CDK14: variants seen among roughly 807,000 people sequenced by gnomAD.
CDK14 encodes the protein cyclin-dependent kinase 14.
A neutral mutation model predicts 60.7 loss-of-function variants in CDK14; 34 were observed. The ratio of observed to expected loss-of-function variants is 0.56; its 90% CI spans 0.43 to 0.75. The LOEUF is 0.75. CDK14 is among the 30% of genes least tolerant of loss of function. The probability of loss-of-function intolerance (pLI) is 0.00; values close to 1 mark genes in which losing one functional copy is unlikely to be tolerated. For missense variants in CDK14, 482 were observed against 564.1 expected, an observed-to-expected ratio of 0.85 and a Z score of 1.47; for synonymous variants, 197 against 203.7, an observed-to-expected ratio of 0.97 and a Z score of 0.28.
chr7:90,775,391 G>A (rs927477448), intron 4 of CDK14, among the ~76,000 whole-genome samples: 1 of 152,014 alleles, frequency 6.6e-6, no homozygotes, highest in East Asian at 1.9e-4. Context: ...GAGGAAAAGT[G>A]ATAATATCAA....
chr7:91,076,474 C>G (rs2073124532), intron 11 of CDK14, among the ~76,000 whole-genome samples: 2 of 152,008 alleles, frequency 1.3e-5, no homozygotes, highest in Non-Finnish European at 2.9e-5. Flanking sequence ...TGGACCCCTT[C>G]CTTACACCTT....
At chr7:90,683,821 A>C (rs1377895171) in intron 2 of CDK14, among the ~76,000 whole-genome samples, 1 of 151,856 alleles carries the variant, frequency 6.6e-6, no homozygotes, top group African/African-American at 2.4e-5. Flanking sequence ...CAAAAGACCA[A>C]ATTCTGGGTA....
At chr7:91,179,636 A>T (rs1042615477) in intron 14 of CDK14, among the ~76,000 whole-genome samples, 1 of 152,062 alleles carries the variant, frequency 6.6e-6, no homozygotes, top group Non-Finnish European at 1.5e-5. Context: ...CCCCGTCTCT[A>T]CTAAAAATAC....
In CDK14 at chr7:90,917,725, G is replaced by A; in HGVS notation, c.826+1G>A. On this transcript the variant is annotated splice_donor_variant, in intron 8 of 14. Transcript: ENST00000380050. LOFTEE classifies it high-confidence loss of function. ...GGGGAGTTAAAGCTGGCAGATTTCG[G>A]TAGGAAAGCAGTTAATTACCAGTCT... is the stretch of plus-strand genomic sequence containing the variant. The A allele has an allele frequency of 6.2e-7, 1 of 1,612,218 alleles. No homozygotes were observed. The highest frequency in any genetic ancestry group is 8.5e-7 in the Non-Finnish European group (1 of 1,178,758).
chr7:90,700,140 C>T (rs1398992879), intron 2 of CDK14, among the ~76,000 whole-genome samples: 7 of 152,152 alleles, frequency 4.6e-5, no homozygotes, highest in Admixed American at 4.6e-4. Flanking sequence ...TGTCGCCAGG[C>T]TGGAGTGCAG....
chr7:91,176,222 T>G (rs1379882798), intron 14 of CDK14, among the ~76,000 whole-genome samples: 1 of 152,054 alleles, frequency 6.6e-6, no homozygotes, highest in African/African-American at 2.4e-5. Context: ...GGGTACATAA[T>G]GAAATGAAGG....
intron 14 of CDK14, among the ~76,000 whole-genome samples, chr7:91,135,340 T>C (rs1323708985): frequency 6.6e-6 from 1 of 152,176 alleles, no homozygotes; most frequent in Non-Finnish European, 1.5e-5. Context: ...TTAGGAAATA[T>C]GCAGGGAATA....
At chr7:90,915,036 A>G (rs1793030888) in intron 7 of CDK14, among the ~76,000 whole-genome samples, 1 of 152,194 alleles carries the variant, frequency 6.6e-6, no homozygotes, top group South Asian at 2.1e-4. Context: ...CTGAAGGGGT[A>G]CAAGGGCTTG....
chr7:90,963,679 G>A (rs946084516), intron 9 of CDK14, among the ~76,000 whole-genome samples: 2 of 133,150 alleles, frequency 1.5e-5, no homozygotes, highest in Non-Finnish European at 1.7e-5. Flanking sequence ...GGAAGACAAA[G>A]GTTTTTTTTT....
At chr7:91,182,758 A>G (rs1289163518) in intron 14 of CDK14, among the ~76,000 whole-genome samples, 2 of 152,232 alleles carry the variant, frequency 1.3e-5, no homozygotes, top group African/African-American at 2.4e-5. Context: ...AAAAATATGA[A>G]TGGAAAGCAC....
At chr7:91,179,163 A>G (rs809135) in intron 14 of CDK14, among the ~76,000 whole-genome samples, 16,630 of 152,046 alleles carry the variant, frequency 0.11, 1,138 homozygotes, top group Middle Eastern at 0.17. Context: ...ACCATGGAAT[A>G]CTATGCAGCC....
chr7:90,971,449 G>A (rs576506841), intron 9 of CDK14, among the ~76,000 whole-genome samples: 2 of 152,194 alleles, frequency 1.3e-5, no homozygotes, highest in East Asian at 3.9e-4. Context: ...AACAAAGCTA[G>A]GTTTGAAGGA....
chr7:90,667,903 AG>A (rs1196318374), intron 2 of CDK14, among the ~76,000 whole-genome samples: 1 of 152,152 alleles, frequency 6.6e-6, no homozygotes, highest in Non-Finnish European at 1.5e-5. Flanking sequence ...ATTCCGTGGT[AG>A]GGATAGATCA....
chr7:91,202,241 T>A (rs762167489), intron 14 of CDK14, among the ~76,000 whole-genome samples: 3 of 152,214 alleles, frequency 2.0e-5, no homozygotes, highest in Non-Finnish European at 2.9e-5. Context: ...TAATTAATAT[T>A]TATAGCCAAG....
At chr7:91,159,636 A>G (rs1041891063) in intron 14 of CDK14, among the ~76,000 whole-genome samples, 7 of 152,340 alleles carry the variant, frequency 4.6e-5, no homozygotes, top group East Asian at 1.9e-4. Flanking sequence ...GAGCTGGCCA[A>G]TGGGCTCCAG....
intron 4 of CDK14, among the ~76,000 whole-genome samples, chr7:90,782,502 G>C (rs1427411847): frequency 5.3e-5 from 8 of 152,064 alleles, no homozygotes; most frequent in African/African-American, 1.9e-4. Flanking sequence ...TAATGCACAA[G>C]TTGTCTAATT....
chr7:91,062,101 G>C (rs1797815887), intron 11 of CDK14, among the ~76,000 whole-genome samples: 2 of 152,142 alleles, frequency 1.3e-5, no homozygotes, highest in Admixed American at 1.3e-4. Flanking sequence ...CGGCAATGGT[G>C]GGCACCCCTC....
At chr7:90,997,727 T>G (rs572566482) in intron 10 of CDK14, among the ~76,000 whole-genome samples, 3 of 152,358 alleles carry the variant, frequency 2.0e-5, no homozygotes, top group Admixed American at 2.0e-4. Flanking sequence ...TTCTTGGCTC[T>G]CATATTATTC....
At chr7:90,758,981 G>A (rs1047501401) in intron 4 of CDK14, among the ~76,000 whole-genome samples, 2 of 151,830 alleles carry the variant, frequency 1.3e-5, no homozygotes, top group Non-Finnish European at 2.9e-5. Context: ...ACTCAAACCC[G>A]GGAGGCAGAG....
Sources: gnomAD v4.1 joint callset for allele counts (sites outside exome capture counted in the v4.1 genomes callset) on GRCh38, gnomAD v4.1.1 for gene constraint, MANE v1.5 for transcripts, NCBI Gene and HGNC (gene_info 2026-07-23, HGNC 2026-07-21) for gene names.